ELAVL4: variants seen among roughly 807,000 people sequenced by gnomAD.
ELAVL4 encodes the protein ELAV like RNA binding protein 4, also known as ELAV-like protein 4.
In ELAVL4, 1 loss-of-function variant was observed where a neutral mutation model predicts 35.6. That is an observed-to-expected ratio of 0.03 (90% CI 0.01 to 0.13). ELAVL4 has a LOEUF of 0.13. ELAVL4 is among the 10% of genes least tolerant of loss of function. The probability of loss-of-function intolerance (pLI) is 1.00; values close to 1 mark genes in which losing one functional copy is unlikely to be tolerated. For synonymous variants in ELAVL4, 156 were observed against 171.0 expected (o/e 0.91, Z 0.69); for missense variants, 267 against 464.9 (o/e 0.57, Z 3.91).
At chr1:50,116,753 G>A (rs1295369925) in intron 1 of ELAVL4, among the ~76,000 whole-genome samples, 1 of 152,010 alleles carries the variant, frequency 6.6e-6, no homozygotes, top group African/African-American at 2.4e-5. Context: ...ACTTAAAAGG[G>A]AGTAAATGAC....
chr1:50,101,373 T>C (rs775824621), upstream of ELAVL4, among the ~76,000 whole-genome samples: 12 of 152,226 alleles, frequency 7.9e-5, no homozygotes, highest in Non-Finnish European at 1.8e-4. Flanking sequence ...TAATCTTTTG[T>C]ATTTCTCCTA....
rs938815399 is a variant in ELAVL4 at position 50,078,942 on chromosome 1, C to T, written c.18+30760C>T. 7.2e-5 allele frequency among the ~76,000 whole-genome samples: 11 copies of T among 152,270 alleles called. No homozygotes were observed. The East Asian group carries it at 2.1e-3, about 29-fold the overall frequency. On this transcript the variant is annotated intron_variant, in intron 1 of 6. Coordinates refer to the ELAVL4 transcript ENST00000448907. ...AGACCCATATTCATTTTTCCATCTC[C>T]TACCTGTTTGAGTTTCCATTGAGTA...
At chr1:50,132,579 A>G (rs1013196557) in intron 1 of ELAVL4, among the ~76,000 whole-genome samples, 1 of 152,108 alleles carries the variant, frequency 6.6e-6, no homozygotes, top group African/African-American at 2.4e-5. Flanking sequence ...ATTCACAGTG[A>G]TTTAGGTGAA....
intron 2 of ELAVL4, among the ~76,000 whole-genome samples, chr1:50,172,328 T>G (rs915388883): frequency 6.6e-6 from 1 of 152,198 alleles, no homozygotes; most frequent in Non-Finnish European, 1.5e-5. Context: ...TAACACAAAC[T>G]ACTGGAGATA....
At chr1:50,080,443 C>T (rs1664958064) in intron 1 of ELAVL4, among the ~76,000 whole-genome samples, 1 of 152,164 alleles carries the variant, frequency 6.6e-6, no homozygotes, top group African/African-American at 2.4e-5. Context: ...CACACACTCA[C>T]ACACATACTG....
rs992264001 is a variant in ELAVL4, at chr1:50,202,584, G to C, written c.*1406G>C. ...GCCGAGATCAAATATAGCTAGATTG[G>C]CTAGACTACTTATTTGTTTACTTAA... is the stretch of plus-strand genomic sequence containing the variant. On this transcript the variant is annotated 3_prime_UTR_variant, in exon 7 of 7. Transcript: ENST00000371824. The C allele has an allele frequency of 6.6e-6, 1 of 152,022 alleles. No homozygotes were observed. The highest frequency in any genetic ancestry group is 1.5e-5 in the Non-Finnish European group (1 of 67,994). 9.4% of individuals were successfully genotyped at this position (152,022 alleles called of 1,614,324 possible). A position where few individuals can be genotyped will look rare whatever the true frequency, so the allele number is the denominator to read the frequency against.
chr1:50,181,772 C>T (rs1681076641), intron 3 of ELAVL4, among the ~76,000 whole-genome samples: 1 of 152,172 alleles, frequency 6.6e-6, no homozygotes, highest in South Asian at 2.1e-4. Context: ...CAACCTCTGC[C>T]TCCTGGGTTC....
At chr1:50,111,812 A>G (rs1199036710) in intron 1 of ELAVL4, among the ~76,000 whole-genome samples, 1 of 152,060 alleles carries the variant, frequency 6.6e-6, no homozygotes, top group Non-Finnish European at 1.5e-5. Flanking sequence ...GTGCTTTACT[A>G]ATAGTCTCTT....
chr1:50,110,620 T>C (rs1320787506), intron 1 of ELAVL4, among the ~76,000 whole-genome samples: 1 of 152,150 alleles, frequency 6.6e-6, no homozygotes, highest in East Asian at 1.9e-4. Flanking sequence ...CACTTTGACT[T>C]TGAATTTTCA....
At chr1:50,078,717 G>A (rs886613320) in intron 1 of ELAVL4, among the ~76,000 whole-genome samples, 9 of 152,200 alleles carry the variant, frequency 5.9e-5, no homozygotes, top group African/African-American at 2.2e-4. Context: ...GGTAGAGCAA[G>A]TGAAAGAGGA....
rs137983067 is a variant in ELAVL4, at chr1:50,059,523, T to C, written c.18+11341T>C. On this transcript the variant is annotated intron_variant, in intron 1 of 6. Coordinates refer to the ELAVL4 transcript ENST00000448907. ...TACACCTACTAGCATGGCTATGATT[T>C]AAAAAAAAAGTATTGGTGAGGAGGT... Among the ~76,000 whole-genome samples the C allele has an allele frequency of 4.9e-3, 738 of 150,846 alleles. 3 individuals carry two copies. Among genetic ancestry groups the C allele is most frequent in the Admixed American group, 8.0e-3 (121 of 15,130 alleles).
At chr1:50,087,349 T>A (rs1254891254) in intron 1 of ELAVL4, among the ~76,000 whole-genome samples, 3 of 152,214 alleles carry the variant, frequency 2.0e-5, no homozygotes, top group African/African-American at 7.2e-5. Context: ...TGCTTGCTGT[T>A]CATGTCTTCC....
At chr1:50,155,923 C>A (rs1354592515) in intron 2 of ELAVL4, among the ~76,000 whole-genome samples, 4 of 152,154 alleles carry the variant, frequency 2.6e-5, no homozygotes, top group Non-Finnish European at 5.9e-5. Flanking sequence ...ACACAGATCA[C>A]CCTCTAAGTA....
chr1:50,202,320 C>T lies in ELAVL4; in HGVS notation c.*1142C>T, dbSNP rs1209302245. ...GATTAATTTTCCTTTTGATCTAAAACTTCCTTAGTTTGAGCAGTAGGTGCT... is the reference window on the plus strand; with the variant it reads ...GATTAATTTTCCTTTTGATCTAAAATTTCCTTAGTTTGAGCAGTAGGTGCT... On this transcript the variant is annotated 3_prime_UTR_variant, in exon 7 of 7. Transcript: ENST00000371824. The T allele has an allele frequency of 6.6e-6, 1 of 152,128 alleles. No homozygotes were observed. The highest frequency in any genetic ancestry group is 2.4e-5 in the African/African-American group (1 of 41,434). The allele number at this position is 152,128 out of a possible 1,614,324, so 9.4% of individuals were successfully genotyped here.
At chr1:50,146,830 G>A (rs1673810762) in intron 2 of ELAVL4, among the ~76,000 whole-genome samples, 1 of 152,066 alleles carries the variant, frequency 6.6e-6, no homozygotes, top group South Asian at 2.1e-4. Context: ...AGCTATATTA[G>A]TGAATATTAT....
chr1:50,131,166 C>T (rs2148636317), intron 1 of ELAVL4, among the ~76,000 whole-genome samples: 1 of 152,094 alleles, frequency 6.6e-6, no homozygotes, highest in Non-Finnish European at 1.5e-5. Context: ...ATACATGTAT[C>T]ATATACTAAA....
At chr1:50,103,807 G>A, upstream of ELAVL4, 2 of 1,111,960 alleles carry the variant, frequency 1.8e-6, no homozygotes, top group Non-Finnish European at 2.5e-6. Context: ...ACCCCATTTT[G>A]CTAATTCAAT....
chr1:50,146,647 C>G (rs534604833), intron 2 of ELAVL4, among the ~76,000 whole-genome samples: 1 of 152,226 alleles, frequency 6.6e-6, no homozygotes, highest in African/African-American at 2.4e-5. Context: ...TATCCTTAAA[C>G]AGAATTTCCC....
At chr1:50,183,321 G>A (rs1386356644) in intron 3 of ELAVL4, among the ~76,000 whole-genome samples, 1 of 152,126 alleles carries the variant, frequency 6.6e-6, no homozygotes, top group African/African-American at 2.4e-5. Context: ...CTGGATCTGG[G>A]ATGAAGGGGT....
Sources: gnomAD v4.1 joint callset for allele counts (sites outside exome capture counted in the v4.1 genomes callset) on GRCh38, gnomAD v4.1.1 for gene constraint, MANE v1.5 for transcripts, NCBI Gene and HGNC (gene_info 2026-07-23, HGNC 2026-07-21) for gene names.